Variants in SPAG17 observed in about 807,000 individuals in gnomAD.
SPAG17 encodes sperm associated antigen 17, also known as sperm-associated antigen 17.
Under a neutral mutation model 273.6 loss-of-function variants are expected in SPAG17, and 169 were observed. The observed-to-expected ratio is 0.62, with a 90% CI of 0.55 to 0.70. SPAG17 has a LOEUF of 0.70. Among genes scored for constraint, SPAG17 ranks in the 30% least tolerant of loss-of-function variants. SPAG17 has a pLI of 0.00. For missense variants in SPAG17, 2,557 were observed against 2,627.8 expected, an observed-to-expected ratio of 0.97 and a Z score of 0.59; for synonymous variants, 825 against 873.2, an observed-to-expected ratio of 0.94 and a Z score of 0.97.
intron 47 of SPAG17, 121 bp from the exon 48 acceptor site, chr1:117,964,059 T>G (rs1653476428): frequency 8.7e-7 from 1 of 1,150,700 alleles, no homozygotes; most frequent in Admixed American, 2.3e-5. Context: ...TTTAGGTAAC[T>G]GTCTATCCAA....
chr1:118,147,322 A>G (rs1416645660), intron 3 of SPAG17, among the ~76,000 whole-genome samples: 3 of 152,230 alleles, frequency 2.0e-5, no homozygotes, highest in African/African-American at 7.2e-5. Context: ...CAATAAGCGT[A>G]TATTTTCAAA....
intron 25 of SPAG17, 49 bp downstream of exon 25, chr1:118,031,643 A>G (rs759178393): frequency 1.1e-5 from 18 of 1,584,352 alleles, no homozygotes; most frequent in Non-Finnish European, 1.5e-5. Flanking sequence ...AAAAAAGTTA[A>G]CACTGAAGCA....
chr1:118,148,348 A>C (rs1659172292), intron 3 of SPAG17, among the ~76,000 whole-genome samples: 1 of 152,176 alleles, frequency 6.6e-6, no homozygotes, highest in African/African-American at 2.4e-5. Flanking sequence ...AAGAGTTGTC[A>C]CAAAGAGCGA....
chr1:118,047,491 C>A lies in SPAG17; in HGVS notation c.2815-5449G>T, dbSNP rs531695296. ...GGCCCACCTCAGTGGTCGCGTACTC[C>A]AGGCTGCCTCTAGCATCAAGCTGGC... On this transcript the variant is annotated intron_variant, in intron 20 of 48. Coordinates refer to ENST00000336338, the MANE Select transcript of SPAG17 (RefSeq NM_206996.4). Among the ~76,000 whole-genome samples, 3 of 152,172 alleles carry A rather than the reference C, an allele frequency of 2.0e-5. No homozygotes were observed. The East Asian group carries it at 5.8e-4, about 29-fold the overall frequency.
intron 10 of SPAG17, among the ~76,000 whole-genome samples, chr1:118,089,355 G>GTGTGTGTGTGTGTGT (rs10527094): frequency 1.7e-4 from 23 of 137,916 alleles, no homozygotes; most frequent in East Asian, 2.4e-4. Context: ...GTGTGTGTGT[G>GTGTGTGTGTGTGTGT]GTGGCAGGTA....
intron 17 of SPAG17, among the ~76,000 whole-genome samples, chr1:118,068,138 G>A (rs1258516424): frequency 6.6e-6 from 1 of 150,706 alleles, no homozygotes; most frequent in Non-Finnish European, 1.5e-5. Flanking sequence ...AAGGCATGGA[G>A]TGATATATAT....
intron 35 of SPAG17, among the ~76,000 whole-genome samples, chr1:117,993,135 T>C (rs1657294323): frequency 6.6e-6 from 1 of 152,184 alleles, no homozygotes; most frequent in African/African-American, 2.4e-5. Context: ...AGTCTGAGGA[T>C]CCCTGGGGCA....
chr1:118,140,360 C>CAAAA (rs946015757), intron 3 of SPAG17, among the ~76,000 whole-genome samples: 5 of 151,914 alleles, frequency 3.3e-5, no homozygotes, highest in African/African-American at 1.2e-4. Flanking sequence ...GTTCTCACCA[C>CAAAA]AAAAAATGTT....
At chr1:118,067,162 A>G (rs893864543) in intron 17 of SPAG17, among the ~76,000 whole-genome samples, 33 of 152,308 alleles carry the variant, frequency 2.2e-4, no homozygotes, top group African/African-American at 7.5e-4. Flanking sequence ...AGTGTTCTTC[A>G]TTAAGGTTGG....
At chr1:117,966,899 T>A (rs1268723080) in intron 46 of SPAG17, 146 bp from the exon 47 acceptor site, 1 of 610,004 alleles carries the variant, frequency 1.6e-6, no homozygotes. Flanking sequence ...GTAGTTATTA[T>A]AAGCATTTAG....
In SPAG17 at chr1:117,953,983, TCTTTC is replaced by T. The variant is rs746617526; in HGVS notation, c.*62_*66del. ...GATGATGGAGTATGTTGTGATGACT[TCTTTC>T]CTTTCTCATCCTCTGTAGGCTGAGA... On this transcript the variant is annotated 3_prime_UTR_variant, in exon 49 of 49. Coordinates refer to ENST00000336338, the MANE Select transcript of SPAG17 (RefSeq NM_206996.4). The T allele has an allele frequency of 1.3e-6, 2 of 1,592,058 alleles. No homozygotes were observed. The highest frequency in any genetic ancestry group is 1.7e-6 in the Non-Finnish European group (2 of 1,167,462).
intron 1 of SPAG17, among the ~76,000 whole-genome samples, chr1:118,166,144 A>G (rs1278369016): frequency 6.6e-6 from 1 of 152,136 alleles, no homozygotes; most frequent in Non-Finnish European, 1.5e-5. Flanking sequence ...TCTACTCAAT[A>G]TATGCTGCTG....
intron 12 of SPAG17, 70 bp from the exon 13 acceptor site, chr1:118,086,142 G>T: frequency 7.2e-7 from 1 of 1,381,028 alleles, no homozygotes; most frequent in South Asian, 1.3e-5. Context: ...ATATGGAGAA[G>T]GCTAAACATG....
At chr1:118,092,911 T>C (rs1234562453) in intron 8 of SPAG17, among the ~76,000 whole-genome samples, 1 of 152,228 alleles carries the variant, frequency 6.6e-6, no homozygotes, top group Non-Finnish European at 1.5e-5. Flanking sequence ...TCAATATCTT[T>C]CCTGTCACAG....
At chr1:117,958,767 CTT>C (rs3215666) in intron 48 of SPAG17, 17,333 of 352,712 alleles carry the variant, frequency 0.049, no homozygotes, top group East Asian at 0.075. Context: ...ACTTCTTTGG[CTT>C]TTTTTTTTTT....
chr1:118,054,277 T>C, intron 19 of SPAG17, among the ~76,000 whole-genome samples, 184 bp from the exon 20 acceptor site: 1 of 152,110 alleles, frequency 6.6e-6, no homozygotes, highest in African/African-American at 2.4e-5. Context: ...ACATCAGTGA[T>C]GGGGAACTCA....
At chr1:118,165,368 A>C (rs1341423134) in intron 1 of SPAG17, among the ~76,000 whole-genome samples, 1 of 151,738 alleles carries the variant, frequency 6.6e-6, no homozygotes, top group Non-Finnish European at 1.5e-5. Flanking sequence ...TGTTTCTTTT[A>C]CCAGTTAAAC....
At chr1:118,170,032 T>C (rs1660347965) in intron 1 of SPAG17, among the ~76,000 whole-genome samples, 1 of 152,172 alleles carries the variant, frequency 6.6e-6, no homozygotes, top group African/African-American at 2.4e-5. Flanking sequence ...CATTGCATAG[T>C]TCTTCTCAGG....
chr1:118,133,291 G>T (rs1281782359), intron 3 of SPAG17, among the ~76,000 whole-genome samples: 4 of 152,060 alleles, frequency 2.6e-5, no homozygotes, highest in South Asian at 4.2e-4. Flanking sequence ...TCGCGAGGGG[G>T]CCCAGAGTGC....
Sources: gnomAD v4.1 joint callset for allele counts (sites outside exome capture counted in the v4.1 genomes callset) on GRCh38, gnomAD v4.1.1 for gene constraint, MANE v1.5 for transcripts, NCBI Gene and HGNC (gene_info 2026-07-23, HGNC 2026-07-21) for gene names.